The following PDE2A variants were observed in gnomAD, a reference collection of about 807,000 sequenced individuals.
PDE2A encodes the protein cGMP-dependent 3',5'-cyclic phosphodiesterase.
Under a neutral mutation model 133.6 loss-of-function variants are expected in PDE2A, and 53 were observed. The observed-to-expected ratio is 0.40, with a 90% CI of 0.32 to 0.50. PDE2A has a LOEUF of 0.50. Ranked by LOEUF, PDE2A falls within the 20% of genes least tolerant of loss-of-function variation. The pLI is 0.73. For synonymous variants in PDE2A, 491 were observed against 490.2 expected, an observed-to-expected ratio of 1.00 and a Z score of -0.02; for missense variants, 796 against 1,232.4, an observed-to-expected ratio of 0.65 and a Z score of 5.30.
intron 21 of PDE2A, 58 bp from the exon 22 acceptor site, chr11:72,582,005 C>T (rs1453909118): frequency 5.3e-6 from 7 of 1,326,222 alleles, no homozygotes; most frequent in African/African-American, 1.4e-5. Flanking sequence ...GGGGCCCTTG[C>T]CTGGGTCCTT....
Position 72,589,894 on chromosome 11 carries a change from C to T in PDE2A, c.831+13G>A, listed in dbSNP as rs1233137507. On this transcript the variant is annotated intron_variant, in intron 10 of 30. Coordinates refer to ENST00000334456, the MANE Select transcript of PDE2A (RefSeq NM_002599.5). ...AGCCCCGCCCCCGCTCTACAGTGGA[C>T]CTGGGCCCTCACCTTGCAAGAAAGC... The T allele has an allele frequency of 1.9e-6, 3 of 1,612,056 alleles. No individual in the cohort carries two copies. The African/African-American group carries it at 4.0e-5, about 22-fold the overall frequency.
At chr11:72,620,380 C>T (rs889278108) in intron 2 of PDE2A, among the ~76,000 whole-genome samples, 52 of 152,166 alleles carry the variant, frequency 3.4e-4, no homozygotes, top group African/African-American at 1.2e-3. Context: ...GGATGCAGAG[C>T]TAGGCCAACT....
chr11:72,584,886 C>A lies in PDE2A; in HGVS notation c.1345G>T (p.Val449Leu). 1.2e-6 allele frequency: 2 copies of A among 1,614,132 alleles called. No homozygotes were observed. The highest frequency in any genetic ancestry group is 1.7e-6 in the Non-Finnish European group (2 of 1,179,958). ...CACCCTCTCACCTCATCATCCACCACGCCCCCGTCGAACACCTTGGCCACC... is the reference window on the plus strand; with the variant it reads ...CACCCTCTCACCTCATCATCCACCAAGCCCCCGTCGAACACCTTGGCCACC... Reference protein sequence around the residue: ...ELVAKVFDGGVVDDESYEIRI... With the variant: ...ELVAKVFDGGLVDDESYEIRI... The change falls in exon 17 of 31, where the codon GTG (valine) becomes TTG (leucine). Residue 449 changes from valine (V) to leucine (L), a missense_variant. By Grantham distance (32) the Val-to-Leu change is conservative (BLOSUM62 1). Transcript: ENST00000334456.
At chr11:72,591,049 AT>A in intron 7 of PDE2A, 1 of 498,714 alleles carries the variant, frequency 2.0e-6, no homozygotes, top group South Asian at 3.0e-5. Context: ...AACCGTGTGT[AT>A]TTACAAGATA....
chr11:72,638,199 C>T (rs1377612662), intron 2 of PDE2A, among the ~76,000 whole-genome samples: 1 of 152,206 alleles, frequency 6.6e-6, no homozygotes, highest in African/African-American at 2.4e-5. Flanking sequence ...GAGACCTGCA[C>T]CAGTCACCTG....
At chr11:72,581,285 C>G (rs1591012781) in intron 23 of PDE2A, 72 bp downstream of exon 23, 2 of 1,474,806 alleles carry the variant, frequency 1.4e-6, no homozygotes, top group Middle Eastern at 1.7e-4. Flanking sequence ...GCCTGACACA[C>G]AGGGGGTGCT....
At chr11:72,665,194 C>T (rs532766398) in intron 1 of PDE2A, among the ~76,000 whole-genome samples, 1 of 152,214 alleles carries the variant, frequency 6.6e-6, no homozygotes, top group Admixed American at 6.5e-5. Flanking sequence ...TACCCCAATT[C>T]CTGCCCAGAC....
intron 1 of PDE2A, among the ~76,000 whole-genome samples, chr11:72,654,457 G>A (rs543457126): frequency 2.0e-5 from 3 of 152,248 alleles, no homozygotes; most frequent in South Asian, 2.1e-4. Flanking sequence ...CTCCTCCGCC[G>A]GGGAAGAAGC....
chr11:72,663,924 G>A (rs1164974166), intron 1 of PDE2A, among the ~76,000 whole-genome samples: 1 of 152,156 alleles, frequency 6.6e-6, no homozygotes, highest in Non-Finnish European at 1.5e-5. Context: ...TTTTGCTGCT[G>A]GGTTGTGTGC....
intron 2 of PDE2A, among the ~76,000 whole-genome samples, chr11:72,627,721 G>A (rs1451970059): frequency 6.6e-6 from 1 of 152,182 alleles, no homozygotes; most frequent in African/African-American, 2.4e-5. Context: ...TACTTATTGT[G>A]GATGTCAGTG....
At position 72,615,084 on chromosome 11, in the gene PDE2A, C is replaced by T. The variant is rs772384436; in HGVS notation, c.145-6333G>A. On this transcript the variant is annotated intron_variant, in intron 2 of 30. Transcript: ENST00000334456. ...AGTTGTTACTCCAACAGGGCCGCGT[C>T]TCCAGCCTCCGAGCCACACTGGAGA... 6 of 517,212 alleles carry T rather than the reference C, an allele frequency of 1.2e-5. No individual in the cohort carries two copies. The African/African-American group carries it at 1.2e-4, about 10-fold the overall frequency. The allele number at this position is 517,212 out of a possible 1,614,324, so 32.0% of individuals were successfully genotyped here.
chr11:72,596,112 A>G (rs1856465981), intron 6 of PDE2A, among the ~76,000 whole-genome samples: 1 of 151,964 alleles, frequency 6.6e-6, no homozygotes, highest in South Asian at 2.1e-4. Context: ...AGTTTTCCAC[A>G]CTATCTCTAT....
At chr11:72,664,264 C>G (rs1259840737) in intron 1 of PDE2A, among the ~76,000 whole-genome samples, 1 of 152,008 alleles carries the variant, frequency 6.6e-6, no homozygotes, top group Non-Finnish European at 1.5e-5. Flanking sequence ...CTTAAGCCTT[C>G]CCCATCTCCA....
intron 4 of PDE2A, among the ~76,000 whole-genome samples, chr11:72,604,297 C>T (rs1297312166): frequency 2.0e-5 from 3 of 152,214 alleles, no homozygotes; most frequent in Admixed American, 6.5e-5. Flanking sequence ...TCAGAAGACC[C>T]GAGTCCTAGG....
At chr11:72,674,005 G>A (rs1393572519) in intron 1 of PDE2A, 132 bp downstream of exon 1, 3 of 865,662 alleles carry the variant, frequency 3.5e-6, no homozygotes, top group East Asian at 2.9e-5. Flanking sequence ...GAGGAGGGGT[G>A]CCCAGGAACA....
At chr11:72,626,378 C>A (rs1454168120) in intron 2 of PDE2A, among the ~76,000 whole-genome samples, 3 of 152,228 alleles carry the variant, frequency 2.0e-5, no homozygotes, top group African/African-American at 7.2e-5. Context: ...GGCAGGGCCT[C>A]AGGACCCCCA....
rs565216510 is a variant in PDE2A at position 72,608,800 on chromosome 11, C to A, written c.145-49G>T. ...AGAGGCTTTGCCAGGCAGGCCAGGG[C>A]AGCCCCATCTGCCCAAAGGACTGTG... On this transcript the variant is annotated intron_variant, in intron 2 of 30. Transcript: ENST00000334456. The A allele has an allele frequency of 6.9e-5, 72 of 1,045,716 alleles. No homozygotes were observed. In the South Asian group the frequency reaches 8.8e-4, roughly 13 times the overall value. The allele number at this position is 1,045,716 out of a possible 1,614,324, so 64.8% of individuals were successfully genotyped here.
rs78009145 is a variant in PDE2A, at chr11:72,645,169, T to G, written c.72-2843A>C. On this transcript the variant is annotated intron_variant, in intron 1 of 30. Transcript: ENST00000334456. ...TCAAAGAGTCTTTCTGTGTCAACCT[T>G]TCAGATCCAAGCATTCCTCAGAGGG... Among the ~76,000 whole-genome samples the G allele has an allele frequency of 3.2e-4, 49 of 152,292 alleles. No homozygotes were observed. The East Asian group carries it at 8.9e-3, about 28-fold the overall frequency.
At chr11:72,637,220 C>T (rs963502719) in intron 2 of PDE2A, among the ~76,000 whole-genome samples, 9 of 152,222 alleles carry the variant, frequency 5.9e-5, no homozygotes, top group African/African-American at 1.9e-4. Flanking sequence ...ATCACCATGG[C>T]CCCTGAGTTT....
Sources: gnomAD v4.1 joint callset for allele counts (sites outside exome capture counted in the v4.1 genomes callset) on GRCh38, gnomAD v4.1.1 for gene constraint, MANE v1.5 for transcripts, NCBI Gene and HGNC (gene_info 2026-07-23, HGNC 2026-07-21) for gene names.